Variants in ILKAP observed in about 807,000 individuals in gnomAD.
ILKAP encodes integrin-linked kinase-associated serine/threonine phosphatase 2C.
In ILKAP, 11 loss-of-function variants were observed where a neutral mutation model predicts 49.1. The observed-to-expected ratio is 0.22, with a 90% CI of 0.14 to 0.37. ILKAP has a LOEUF of 0.37. ILKAP is among the 10% of genes least tolerant of loss of function. The pLI, the probability that ILKAP is intolerant of heterozygous loss-of-function variation, is 1.00. For missense variants in ILKAP, 363 were observed against 510.8 expected (o/e 0.71, Z 2.79); for synonymous variants, 186 against 192.8 (o/e 0.96, Z 0.29).
At chr2:238,197,846 G>C (rs1694409175) in intron 1 of ILKAP, among the ~76,000 whole-genome samples, 1 of 152,154 alleles carries the variant, frequency 6.6e-6, no homozygotes, top group Non-Finnish European at 1.5e-5. Flanking sequence ...ACTATTCTAA[G>C]AGCTCCACAC....
chr2:238,191,025 G>A (rs1325637307), intron 3 of ILKAP, among the ~76,000 whole-genome samples: 1 of 151,972 alleles, frequency 6.6e-6, no homozygotes, highest in African/African-American at 2.4e-5. Flanking sequence ...CATGATCACA[G>A]TTTACTGCAG....
At chr2:238,191,128 AATTTTTTT>A (rs1694105490) in intron 3 of ILKAP, among the ~76,000 whole-genome samples, 1 of 151,082 alleles carries the variant, frequency 6.6e-6, no homozygotes, top group Admixed American at 6.6e-5. Flanking sequence ...CTAATTTTTT[AATTTTTTT>A]GGTAAACACA....
chr2:238,188,498 T>C, intron 4 of ILKAP: 1 of 435,330 alleles, frequency 2.3e-6, no homozygotes, highest in Non-Finnish European at 4.2e-6. Context: ...GAGGAGTCAG[T>C]GAGCACAAAA....
intron 8 of ILKAP, 74 bp from the exon 9 acceptor site, chr2:238,182,260 A>C (rs1693726613): frequency 6.4e-7 from 1 of 1,552,758 alleles, no homozygotes; most frequent in East Asian, 2.3e-5. Context: ...TGAAAAAAAC[A>C]GTTAACAATG....
At chr2:238,201,626 A>G (rs756305993) in intron 1 of ILKAP, among the ~76,000 whole-genome samples, 1 of 152,358 alleles carries the variant, frequency 6.6e-6, no homozygotes, top group Middle Eastern at 3.4e-3. Context: ...GTGCCAACCT[A>G]TGAGATTCTG....
chr2:238,192,294 G>C (rs2106338565), intron 3 of ILKAP, among the ~76,000 whole-genome samples: 1 of 152,138 alleles, frequency 6.6e-6, no homozygotes, highest in Admixed American at 6.5e-5. Flanking sequence ...TGACTTCTAA[G>C]CAAATTACAC....
At chr2:238,203,211 G>C (rs1694649634) in intron 1 of ILKAP, among the ~76,000 whole-genome samples, 1 of 151,054 alleles carries the variant, frequency 6.6e-6, no homozygotes, top group African/African-American at 2.4e-5. Flanking sequence ...GGTCGCGCCG[G>C]CGCCTTTCAC....
intron 9 of ILKAP, among the ~76,000 whole-genome samples, chr2:238,177,757 T>C (rs1398385369): frequency 2.6e-5 from 4 of 152,210 alleles, no homozygotes; most frequent in Admixed American, 6.5e-5. Flanking sequence ...CTTTTCCCCA[T>C]GGTGAATAAT....
intron 4 of ILKAP, 65 bp downstream of exon 4, chr2:238,189,788 G>A: frequency 4.8e-6 from 7 of 1,466,880 alleles, no homozygotes; most frequent in East Asian, 2.3e-5. Context: ...AGCTGAAACT[G>A]GTTTTGCTCT....
intron 2 of ILKAP, 39 bp downstream of exon 2, chr2:238,194,766 A>G: frequency 6.3e-7 from 1 of 1,589,666 alleles, no homozygotes; most frequent in Non-Finnish European, 8.6e-7. Context: ...GGATGAGTAG[A>G]GACGTTGACA....
intron 3 of ILKAP, among the ~76,000 whole-genome samples, chr2:238,191,365 G>A (rs1448331593): frequency 2.6e-5 from 4 of 152,072 alleles, no homozygotes; most frequent in South Asian, 4.1e-4. Context: ...GTCTTGAACC[G>A]CCTGTGTCAG....
chr2:238,185,236 G>A lies in ILKAP; in HGVS notation c.477C>T (p.Ala159=). ...GCAAATTCTGTGCAGCAAATTTTGAGGCTCGAATTCCTCCATGTCCATCAA... is the reference window on the plus strand; with the variant it reads ...GCAAATTCTGTGCAGCAAATTTTGAAGCTCGAATTCCTCCATGTCCATCAA... ...AVFDGHGGIR[A]SKFAAQNLHQ... The change falls in exon 6 of 12, where the codon GCC becomes GCT. Residue 159 remains alanine (A), a synonymous_variant. Transcript: ENST00000254654. 6.2e-7 allele frequency: 1 copy of A among 1,613,754 alleles called. No homozygotes were observed. Among genetic ancestry groups the A allele is most frequent in the East Asian group, 2.2e-5 (1 of 44,876 alleles).
intron 1 of ILKAP, 87 bp downstream of exon 1, chr2:238,203,412 G>A: frequency 1.7e-6 from 1 of 592,320 alleles, no homozygotes; most frequent in Non-Finnish European, 2.2e-6. Flanking sequence ...CCCAGCGCGG[G>A]CGCCGCCTCA....
Position 238,170,492 on chromosome 2 carries a change from C to T in ILKAP, c.*44G>A. The T allele has an allele frequency of 1.3e-6, 2 of 1,551,678 alleles. No homozygotes were observed. Among genetic ancestry groups the T allele is most frequent in the Non-Finnish European group, 1.7e-6 (2 of 1,143,742 alleles). The stretch of plus-strand genomic sequence containing the variant: ...CAATGTGCACACACACAAAATGAAC[C>T]TTTTAAGTCAATACCATGCGTGCTC... On this transcript the variant is annotated 3_prime_UTR_variant, in exon 12 of 12. Coordinates refer to ENST00000254654, the MANE Select transcript of ILKAP (RefSeq NM_030768.3).
At chr2:238,195,120 T>G (rs1054772427) in intron 1 of ILKAP, among the ~76,000 whole-genome samples, 1 of 152,230 alleles carries the variant, frequency 6.6e-6, no homozygotes, top group African/African-American at 2.4e-5. Flanking sequence ...TCAGGGCCAC[T>G]GAATATTTTG....
chr2:238,194,527 A>T, intron 2 of ILKAP, 196 bp from the exon 3 acceptor site: 1 of 615,450 alleles, frequency 1.6e-6, no homozygotes, highest in Non-Finnish European at 2.9e-6. Flanking sequence ...GGAAATAAAA[A>T]TCTGCCTTAA....
chr2:238,193,970 G>A (rs1284775770), intron 3 of ILKAP, among the ~76,000 whole-genome samples: 1 of 152,100 alleles, frequency 6.6e-6, no homozygotes, highest in Non-Finnish European at 1.5e-5. Flanking sequence ...AAGGCAAATC[G>A]GAATAATGAA....
chr2:238,183,903 G>A (rs74653364), intron 7 of ILKAP, 117 bp downstream of exon 7: 58,481 of 948,428 alleles, frequency 0.062, 2,428 homozygotes, highest in South Asian at 0.15. Context: ...TAAAAGCTGA[G>A]TGCTACGCAC....
chr2:238,203,596 C>A lies in ILKAP; in HGVS notation c.-43G>T, dbSNP rs934374784. The stretch of plus-strand genomic sequence containing the variant: ...GGCGGCAGCAGCGACAGACACTCAG[C>A]CCGCGAGCAGCGGCCGGGCTCCACA... On this transcript the variant is annotated 5_prime_UTR_variant, in exon 1 of 12. Coordinates refer to ENST00000254654, the MANE Select transcript of ILKAP (RefSeq NM_030768.3). The A allele has an allele frequency of 8.1e-6, 9 of 1,115,996 alleles. No individual in the cohort carries two copies. The highest frequency in any genetic ancestry group is 4.2e-5 in the South Asian group (1 of 24,072). 69.1% of individuals were successfully genotyped at this position (1,115,996 alleles called of 1,614,324 possible).
Sources: gnomAD v4.1 joint callset for allele counts (sites outside exome capture counted in the v4.1 genomes callset) on GRCh38, gnomAD v4.1.1 for gene constraint, MANE v1.5 for transcripts, NCBI Gene and HGNC (gene_info 2026-07-23, HGNC 2026-07-21) for gene names.